Variants in TMEM244 observed in about 807,000 individuals in gnomAD.
TMEM244 encodes transmembrane protein 244, also known as putative transmembrane protein 244.
A neutral mutation model predicts 15.8 loss-of-function variants in TMEM244; 13 were observed. That is an observed-to-expected ratio of 0.82 (90% CI 0.53 to 1.30). TMEM244 has a LOEUF of 1.30. Among genes scored for constraint, TMEM244 ranks in the 50% most tolerant of loss-of-function variants. The pLI is 0.00. For synonymous variants in TMEM244, 45 were observed against 48.7 expected (o/e 0.92, Z 0.32); for missense variants, 161 against 144.9 (o/e 1.11, Z -0.57).
intron 3 of TMEM244, among the ~76,000 whole-genome samples, chr6:129,841,219 T>C (rs1300498574): frequency 6.6e-6 from 1 of 152,168 alleles, no homozygotes; most frequent in Non-Finnish European, 1.5e-5. Flanking sequence ...GTGGCACATA[T>C]ACACCATGGA....
chr6:129,853,942 G>A (rs1025457643), intron 1 of TMEM244, among the ~76,000 whole-genome samples: 1 of 152,116 alleles, frequency 6.6e-6, no homozygotes. Flanking sequence ...GGAAAGCTCA[G>A]GTTCATTCCA....
chr6:129,850,739 T>G (rs1776626983), intron 1 of TMEM244, among the ~76,000 whole-genome samples: 1 of 152,218 alleles, frequency 6.6e-6, no homozygotes. Flanking sequence ...TTGACATAAA[T>G]GAATCATTAA....
At chr6:129,854,072 T>C (rs1381198744) in intron 1 of TMEM244, among the ~76,000 whole-genome samples, 1 of 152,214 alleles carries the variant, frequency 6.6e-6, no homozygotes, top group Non-Finnish European at 1.5e-5. Context: ...TGCAAGTAAT[T>C]GCTAAAAGAT....
chr6:129,839,706 A>C (rs186375775), intron 3 of TMEM244, among the ~76,000 whole-genome samples: 1 of 152,282 alleles, frequency 6.6e-6, no homozygotes, highest in Non-Finnish European at 1.5e-5. Context: ...AAGTCTCCTT[A>C]AGCTGATAAG....
chr6:129,851,389 C>A (rs1776636055), intron 1 of TMEM244, among the ~76,000 whole-genome samples: 1 of 152,202 alleles, frequency 6.6e-6, no homozygotes, highest in Admixed American at 6.5e-5. Flanking sequence ...CTGCCTCAAC[C>A]TCCCAAGAAG....
intron 1 of TMEM244, among the ~76,000 whole-genome samples, chr6:129,858,799 CTT>C (rs5879980): frequency 6.8e-6 from 1 of 146,758 alleles, no homozygotes; most frequent in Admixed American, 6.8e-5. Flanking sequence ...GAACCATAGT[CTT>C]TTTTTTTTTT....
intron 3 of TMEM244, among the ~76,000 whole-genome samples, chr6:129,842,501 A>G (rs1485990445): frequency 6.6e-6 from 1 of 152,110 alleles, no homozygotes; most frequent in Admixed American, 6.5e-5. Context: ...TTTCCTATAC[A>G]AATTATAGTA....
At chr6:129,843,420 T>G (rs994572631) in intron 3 of TMEM244, 110 bp downstream of exon 3, 1 of 641,924 alleles carries the variant, frequency 1.6e-6, no homozygotes, top group African/African-American at 1.9e-5. Context: ...ATAAAATACA[T>G]AGATGACTGC....
chr6:129,847,985 G>A (rs1776583433), intron 1 of TMEM244, among the ~76,000 whole-genome samples: 1 of 151,854 alleles, frequency 6.6e-6, no homozygotes, highest in African/African-American at 2.4e-5. Flanking sequence ...TGTTGGTCAG[G>A]CTGGTCTCAA....
chr6:129,850,945 C>T (rs114389980), intron 1 of TMEM244, among the ~76,000 whole-genome samples: 1,970 of 152,296 alleles, frequency 0.013, 43 homozygotes, highest in African/African-American at 0.044. Flanking sequence ...TCCCCTGCCC[C>T]TGTTGATAGT....
At position 129,843,613 on chromosome 6, in the gene TMEM244, T is replaced by A; in HGVS notation, c.120-10A>T. ...ATTCAACTCATGCACCCTAAAGATGTTATAAGTGAAAACAGTTTACTCTGA... is the reference window on the plus strand; with the variant it reads ...ATTCAACTCATGCACCCTAAAGATGATATAAGTGAAAACAGTTTACTCTGA... On this transcript the variant is annotated splice_polypyrimidine_tract_variant and intron_variant, in intron 2 of 4. Coordinates refer to ENST00000368143, the MANE Select transcript of TMEM244 (RefSeq NM_001010876.2). 6.2e-7 allele frequency: 1 copy of A among 1,605,014 alleles called. No homozygotes were observed. Among genetic ancestry groups the A allele is most frequent in the Non-Finnish European group, 8.5e-7 (1 of 1,173,216 alleles).
At chr6:129,836,575 C>T (rs1478403596) in intron 3 of TMEM244, among the ~76,000 whole-genome samples, 4 of 152,120 alleles carry the variant, frequency 2.6e-5, no homozygotes, top group African/African-American at 4.8e-5. Flanking sequence ...ATGAGTTTGA[C>T]GAGTTGACAG....
chr6:129,838,274 A>G (rs1776437066), intron 3 of TMEM244, among the ~76,000 whole-genome samples: 1 of 152,224 alleles, frequency 6.6e-6, no homozygotes, highest in Non-Finnish European at 1.5e-5. Context: ...ACTCAGGATT[A>G]AGAAACTCAC....
intron 4 of TMEM244, among the ~76,000 whole-genome samples, chr6:129,833,227 T>G (rs1776355367): frequency 6.6e-6 from 1 of 152,132 alleles, no homozygotes. Context: ...TTTCTGTAAC[T>G]CTAAAATTAT....
chr6:129,837,970 A>T (rs1274703533), intron 3 of TMEM244, among the ~76,000 whole-genome samples: 2 of 152,196 alleles, frequency 1.3e-5, no homozygotes, highest in African/African-American at 2.4e-5. Context: ...CACAATAATA[A>T]TGGTAGACTT....
In TMEM244 at chr6:129,842,962, C is replaced by T. The variant is rs1003144978; in HGVS notation, c.193+568G>A. 1.7e-4 allele frequency among the ~76,000 whole-genome samples: 26 copies of T among 151,300 alleles called. No individual in the cohort carries two copies. The South Asian group carries it at 5.4e-3, about 32-fold the overall frequency. ...GAAATTTTGCCTTAGTGTATTCTTT[C>T]TTATTGTTTTTCTTCTGCAGCAAGT... On this transcript the variant is annotated intron_variant, in intron 3 of 4. Transcript: ENST00000368143.
At chr6:129,845,106 T>G (rs1776543724) in intron 2 of TMEM244, among the ~76,000 whole-genome samples, 1 of 152,188 alleles carries the variant, frequency 6.6e-6, no homozygotes. Flanking sequence ...TATTATCCCA[T>G]TTTGTCCTCA....
intron 3 of TMEM244, among the ~76,000 whole-genome samples, chr6:129,841,867 G>A (rs1422422097): frequency 6.6e-6 from 1 of 152,102 alleles, no homozygotes; most frequent in African/African-American, 2.4e-5. Context: ...ACATGCCAAA[G>A]TCTCTGAGGT....
chr6:129,848,603 A>G (rs577954435), intron 1 of TMEM244, among the ~76,000 whole-genome samples: 1 of 152,294 alleles, frequency 6.6e-6, no homozygotes, highest in South Asian at 2.1e-4. Context: ...AAAAAAATGT[A>G]GAGGTGTTGC....
Sources: allele counts gnomAD v4.1 joint callset (sites outside exome capture counted in the v4.1 genomes callset), GRCh38; gene constraint gnomAD v4.1.1; transcripts MANE v1.5; gene names NCBI Gene and HGNC (gene_info 2026-07-23, HGNC 2026-07-21).